GRIK1: variants seen among roughly 807,000 people sequenced by gnomAD.
The protein encoded by GRIK1 is glutamate receptor ionotropic, kainate 1.
A neutral mutation model predicts 105.7 loss-of-function variants in GRIK1; 69 were observed. The ratio of observed to expected loss-of-function variants is 0.65; its 90% CI spans 0.54 to 0.80. The LOEUF is 0.80. GRIK1 is among the 30% of genes least tolerant of loss of function. GRIK1 has a pLI of 0.00. For missense variants in GRIK1, 1,109 were observed against 1,167.3 expected, an observed-to-expected ratio of 0.95 and a Z score of 0.73; for synonymous variants, 438 against 431.3, an observed-to-expected ratio of 1.02 and a Z score of -0.19.
At chr21:29,630,838 C>A in intron 7 of GRIK1, 1 of 348,410 alleles carries the variant, frequency 2.9e-6, no homozygotes, top group Non-Finnish European at 5.6e-6. Flanking sequence ...CTCTCTCTGT[C>A]ACCTAGGCTG....
At chr21:29,922,239 G>C (rs913163312) in intron 1 of GRIK1, among the ~76,000 whole-genome samples, 4 of 152,066 alleles carry the variant, frequency 2.6e-5, no homozygotes, top group African/African-American at 9.7e-5. Flanking sequence ...ATATAAACCT[G>C]TGTATCAAAT....
rs575729988 is a variant in GRIK1, at chr21:29,902,497, C to T, written c.118+36886G>A. On this transcript the variant is annotated intron_variant, in intron 1 of 17. Transcript: ENST00000327783. ...CAAAAATCACAAGCATTCTTATACA[C>T]CAATAACAGACAGAGAGCCAAATCA... Among the ~76,000 whole-genome samples, 3 of 152,242 alleles carry T rather than the reference C, an allele frequency of 2.0e-5. No homozygotes were observed. The South Asian group carries it at 6.2e-4, about 32-fold the overall frequency.
At chr21:29,709,270 CTCT>C (rs1421169328) in intron 1 of GRIK1, among the ~76,000 whole-genome samples, 11 of 148,612 alleles carry the variant, frequency 7.4e-5, no homozygotes, top group Admixed American at 1.3e-4. Context: ...GATCCATTTA[CTCT>C]TCTTCTTTTT....
intron 7 of GRIK1, among the ~76,000 whole-genome samples, chr21:29,605,577 T>TG (rs1451461947): frequency 2.0e-5 from 3 of 152,196 alleles, no homozygotes; most frequent in Non-Finnish European, 4.4e-5. Flanking sequence ...TTTGGGTATA[T>TG]GCCCAGTGAT....
At chr21:29,722,579 TAAA>T (rs748557269) in intron 1 of GRIK1, among the ~76,000 whole-genome samples, 3 of 111,880 alleles carry the variant, frequency 2.7e-5, no homozygotes, top group Admixed American at 9.3e-5. Context: ...TAAATAAAAG[TAAA>T]AAAAAAAAAA....
rs766297532 is a variant in GRIK1, at chr21:29,939,492, G to A, written c.9C>T (p.His3=). The change falls in exon 1 of 18, where the codon CAC becomes CAT. Residue 3 remains histidine, a synonymous_variant. Transcript: ENST00000327783. Reference sequence around the variant, plus strand: ...GCCCGGGCTGGGCGAGGAGTGTGCCGTGCTCCATCTTCCTAGCTTCTTAAT... The same window carrying A: ...GCCCGGGCTGGGCGAGGAGTGTGCCATGCTCCATCTTCCTAGCTTCTTAAT... The part of the protein sequence containing the change: ME[H]GTLLAQPGLW... The A allele has an allele frequency of 1.3e-6, 2 of 1,574,782 alleles. No individual in the cohort carries two copies. Among genetic ancestry groups the A allele is most frequent in the Admixed American group, 1.8e-5 (1 of 55,152 alleles).
At chr21:29,660,289 T>C (rs1335678744) in intron 4 of GRIK1, among the ~76,000 whole-genome samples, 3 of 152,180 alleles carry the variant, frequency 2.0e-5, no homozygotes, top group African/African-American at 4.8e-5. Flanking sequence ...ATATTTTAGT[T>C]TGTCTTGTGA....
At chr21:29,834,629 G>C (rs423637) in intron 1 of GRIK1, among the ~76,000 whole-genome samples, 58,474 of 150,476 alleles carry the variant, frequency 0.39, 12,460 homozygotes, top group East Asian at 0.7. Flanking sequence ...ACTCTACCCC[G>C]AAACTTCTTC....
intron 1 of GRIK1, among the ~76,000 whole-genome samples, chr21:29,832,327 G>A (rs2067665658): frequency 6.6e-6 from 1 of 152,158 alleles, no homozygotes; most frequent in Non-Finnish European, 1.5e-5. Flanking sequence ...TCTTCTCATA[G>A]CTCCACTAGG....
chr21:29,687,124 G>A (rs1243050180), intron 3 of GRIK1, among the ~76,000 whole-genome samples: 6 of 152,158 alleles, frequency 3.9e-5, no homozygotes, highest in African/African-American at 7.2e-5. Flanking sequence ...AGTATTTAGC[G>A]AATTGAATTT....
At chr21:29,571,438 C>G (rs1156475727) in intron 14 of GRIK1, among the ~76,000 whole-genome samples, 2 of 152,084 alleles carry the variant, frequency 1.3e-5, no homozygotes, top group Non-Finnish European at 2.9e-5. Context: ...CTCACCTGAG[C>G]TATTTTAAAA....
chr21:29,903,404 A>G (rs2070485206), intron 1 of GRIK1, among the ~76,000 whole-genome samples: 1 of 152,248 alleles, frequency 6.6e-6, no homozygotes, highest in Non-Finnish European at 1.5e-5. Context: ...GCTAATATCC[A>G]GAATCTACAA....
chr21:29,921,970 G>A (rs775508361), intron 1 of GRIK1, among the ~76,000 whole-genome samples: 9 of 152,252 alleles, frequency 5.9e-5, no homozygotes, highest in Non-Finnish European at 1.3e-4. Context: ...GCATCCTAAA[G>A]TAGTCCTTCT....
chr21:29,747,040 T>C (rs898866543), intron 1 of GRIK1, among the ~76,000 whole-genome samples: 1 of 152,202 alleles, frequency 6.6e-6, no homozygotes, highest in African/African-American at 2.4e-5. Context: ...TACCATAAGG[T>C]GTCTCCCAAG....
chr21:29,746,246 G>T (rs931651884), intron 1 of GRIK1, among the ~76,000 whole-genome samples: 4 of 152,208 alleles, frequency 2.6e-5, no homozygotes, highest in African/African-American at 9.6e-5. Context: ...ACTAGAACAT[G>T]GATTGGGTAC....
chr21:29,541,722 A>G (rs1461552597), intron 16 of GRIK1, among the ~76,000 whole-genome samples: 6 of 151,844 alleles, frequency 4.0e-5, no homozygotes, highest in Non-Finnish European at 8.8e-5. Flanking sequence ...ATAGGTGTTA[A>G]AACATAAATT....
chr21:29,796,239 G>A (rs1428279068), intron 1 of GRIK1, among the ~76,000 whole-genome samples: 1 of 152,128 alleles, frequency 6.6e-6, no homozygotes, highest in Non-Finnish European at 1.5e-5. Context: ...GCTGACAGCA[G>A]TCATCATCTC....
At chr21:29,827,975 A>ATCTC (rs71335097) in intron 1 of GRIK1, among the ~76,000 whole-genome samples, 347 of 113,560 alleles carry the variant, frequency 3.1e-3, no homozygotes, top group African/African-American at 7.7e-3. Flanking sequence ...TATAGTTAGG[A>ATCTC]TCTCTCTCTC....
intron 1 of GRIK1, among the ~76,000 whole-genome samples, chr21:29,719,721 T>A (rs971495408): frequency 1.3e-5 from 2 of 152,196 alleles, no homozygotes; most frequent in African/African-American, 2.4e-5. Context: ...AATCCCATTA[T>A]GCATATTAAG....
Sources: allele counts gnomAD v4.1 joint callset (sites outside exome capture counted in the v4.1 genomes callset), GRCh38; gene constraint gnomAD v4.1.1; transcripts MANE v1.5; gene names NCBI Gene and HGNC (gene_info 2026-07-23, HGNC 2026-07-21).